Variants in FRMD5 observed in about 807,000 individuals in gnomAD.
FRMD5 encodes FERM domain containing 5.
A neutral mutation model predicts 69.0 loss-of-function variants in FRMD5; 20 were observed. The observed-to-expected ratio is 0.29, with a 90% CI of 0.20 to 0.42. The LOEUF (loss-of-function observed/expected upper bound fraction) is 0.42, where lower values mean the gene tolerates loss of function less well. Ranked by LOEUF, FRMD5 falls within the 10% of genes least tolerant of loss-of-function variation. The pLI, the probability that FRMD5 is intolerant of heterozygous loss-of-function variation, is 1.00. For missense variants in FRMD5, 595 were observed against 708.6 expected (o/e 0.84, Z 1.82); for synonymous variants, 271 against 260.1 (o/e 1.04, Z -0.40).
At chr15:44,084,367 A>C (rs901013516) in intron 1 of FRMD5, among the ~76,000 whole-genome samples, 3 of 152,152 alleles carry the variant, frequency 2.0e-5, no homozygotes, top group African/African-American at 7.2e-5. Flanking sequence ...GGGATGCCTG[A>C]ATCACCATTA....
intron 1 of FRMD5, among the ~76,000 whole-genome samples, chr15:44,140,326 A>G (rs1566967130): frequency 6.6e-6 from 1 of 152,148 alleles, no homozygotes. Flanking sequence ...TAGGGAGGAA[A>G]TCTAAATAGA....
At chr15:44,175,471 TGGTAAG>T (rs2077877648) in intron 1 of FRMD5, among the ~76,000 whole-genome samples, 1 of 152,192 alleles carries the variant, frequency 6.6e-6, no homozygotes, top group African/African-American at 2.4e-5. Context: ...CACCAAGTGC[TGGTAAG>T]GACACAAAGT....
intron 1 of FRMD5, among the ~76,000 whole-genome samples, chr15:43,994,119 G>T (rs1405311468): frequency 6.6e-6 from 1 of 152,092 alleles, no homozygotes; most frequent in African/African-American, 2.4e-5. Context: ...TTGCCATTTT[G>T]TTAGTTGTTT....
intron 1 of FRMD5, among the ~76,000 whole-genome samples, chr15:44,124,390 G>GAAGAAGA (rs1408364287): frequency 1.3e-5 from 2 of 151,736 alleles, no homozygotes; most frequent in African/African-American, 4.8e-5. Context: ...AGGTAGGAAG[G>GAAGAAGA]AAGAAGAAAG....
At position 43,936,901 on chromosome 15, in the gene FRMD5, A is replaced by C. The variant is rs1200758262; in HGVS notation, c.103-12592T>G. ...AGGCAAGTAAAATGGCTTTGCTTCC[A>C]GGAAGATCGCTAACTGGGTCCTTGC... On this transcript the variant is annotated intron_variant, in intron 1 of 13. Coordinates refer to ENST00000417257, the MANE Select transcript of FRMD5 (RefSeq NM_032892.5). Among the ~76,000 whole-genome samples, 3 of 152,084 alleles carry C rather than the reference A, an allele frequency of 2.0e-5. No homozygotes were observed. In the East Asian group the frequency reaches 5.8e-4, roughly 29 times the overall value.
At chr15:43,965,237 A>G (rs970123001) in intron 1 of FRMD5, among the ~76,000 whole-genome samples, 1 of 152,224 alleles carries the variant, frequency 6.6e-6, no homozygotes, top group Non-Finnish European at 1.5e-5. Flanking sequence ...ACTGCATTCT[A>G]TCTCCTGAGA....
At chr15:43,996,408 C>T (rs1310682893) in intron 1 of FRMD5, among the ~76,000 whole-genome samples, 1 of 152,170 alleles carries the variant, frequency 6.6e-6, no homozygotes, top group Non-Finnish European at 1.5e-5. Context: ...GCTGTGCTGT[C>T]TGAGGTTTGG....
chr15:43,904,019 A>G (rs1480261768), intron 6 of FRMD5, among the ~76,000 whole-genome samples: 1 of 152,172 alleles, frequency 6.6e-6, no homozygotes, highest in East Asian at 1.9e-4. Context: ...TGCACCTGGG[A>G]AGGCACACCG....
intron 1 of FRMD5, among the ~76,000 whole-genome samples, chr15:43,933,732 A>C (rs1401078318): frequency 6.6e-6 from 1 of 152,186 alleles, no homozygotes; most frequent in East Asian, 1.9e-4. Flanking sequence ...CAGGTTTTTA[A>C]ATTCTGCCTT....
chr15:44,144,236 T>C (rs1346680618), intron 1 of FRMD5, among the ~76,000 whole-genome samples: 1 of 152,054 alleles, frequency 6.6e-6, no homozygotes, highest in Non-Finnish European at 1.5e-5. Flanking sequence ...ATCTATAGAG[T>C]AGGTATTATT....
chr15:43,884,993 ACT>A (rs1163636894), intron 11 of FRMD5, 198 bp from the exon 12 acceptor site: 6 of 530,166 alleles, frequency 1.1e-5, no homozygotes, highest in East Asian at 2.9e-5. Context: ...ATCTGAGAGA[ACT>A]CTCTCCATCT....
chr15:44,121,350 C>T (rs1374541084), intron 1 of FRMD5, among the ~76,000 whole-genome samples: 1 of 151,780 alleles, frequency 6.6e-6, no homozygotes, highest in Non-Finnish European at 1.5e-5. Flanking sequence ...GCAAGATATC[C>T]TTCAAGGAGA....
At chr15:44,079,438 G>C (rs745609447) in intron 1 of FRMD5, among the ~76,000 whole-genome samples, 1 of 152,106 alleles carries the variant, frequency 6.6e-6, no homozygotes, top group Non-Finnish European at 1.5e-5. Context: ...TACCTGGCCT[G>C]TAGTCCCAAC....
chr15:44,013,046 G>A (rs1419209572), intron 1 of FRMD5, among the ~76,000 whole-genome samples: 2 of 152,164 alleles, frequency 1.3e-5, no homozygotes, highest in Non-Finnish European at 2.9e-5. Flanking sequence ...GATTACAGGT[G>A]TGAGCCATTG....
intron 1 of FRMD5, among the ~76,000 whole-genome samples, chr15:43,939,665 C>T (rs1330093264): frequency 6.6e-6 from 1 of 152,148 alleles, no homozygotes; most frequent in Non-Finnish European, 1.5e-5. Context: ...TCAATTGATC[C>T]TCCTACCTCA....
chr15:43,905,800 G>A lies in FRMD5; in HGVS notation c.551+28C>T, dbSNP rs1176431337. The A allele has an allele frequency of 4.2e-5, 68 of 1,613,080 alleles. 1 individual carries two copies. In the East Asian group the frequency reaches 1.5e-3, roughly 35 times the overall value. ...GCTCAGGCTGTGGAGAAGCCACAAT[G>A]TTCTGGGCCTGATTAAGTGCCACGT... On this transcript the variant is annotated intron_variant, in intron 6 of 13. Transcript: ENST00000417257.
At chr15:44,130,800 A>T (rs1026119467) in intron 1 of FRMD5, among the ~76,000 whole-genome samples, 1 of 152,204 alleles carries the variant, frequency 6.6e-6, no homozygotes, top group Non-Finnish European at 1.5e-5. Flanking sequence ...AGATTTACTT[A>T]CAACCTTGAC....
At chr15:44,064,008 C>A in intron 1 of FRMD5, 1 of 223,740 alleles carries the variant, frequency 4.5e-6, no homozygotes, top group Non-Finnish European at 9.0e-6. Context: ...TCATCCATGA[C>A]AATTCTGGCA....
At chr15:43,943,623 A>G (rs1424695109) in intron 1 of FRMD5, among the ~76,000 whole-genome samples, 2 of 152,204 alleles carry the variant, frequency 1.3e-5, no homozygotes, top group Non-Finnish European at 2.9e-5. Flanking sequence ...TTATAAGAAG[A>G]CCATGAAGAG....
Sources: gnomAD v4.1 joint callset for allele counts (sites outside exome capture counted in the v4.1 genomes callset) on GRCh38, gnomAD v4.1.1 for gene constraint, MANE v1.5 for transcripts, NCBI Gene and HGNC (gene_info 2026-07-23, HGNC 2026-07-21) for gene names.